Variants in EIF3K observed in about 807,000 individuals in gnomAD.
EIF3K encodes eIF-3 p28.
Under a neutral mutation model 34.2 loss-of-function variants are expected in EIF3K, and 27 were observed. That is an observed-to-expected ratio of 0.79 (90% CI 0.58 to 1.09). The LOEUF is 1.09. Ranked by LOEUF, EIF3K falls within the 50% of genes least tolerant of loss-of-function variation. The pLI, the probability that EIF3K is intolerant of heterozygous loss-of-function variation, is 0.00. For synonymous variants in EIF3K, 105 were observed against 105.7 expected, an observed-to-expected ratio of 0.99 and a Z score of 0.04; for missense variants, 232 against 275.4, an observed-to-expected ratio of 0.84 and a Z score of 1.11.
intron 2 of EIF3K, among the ~76,000 whole-genome samples, chr19:38,623,696 C>T (rs1975889914): frequency 1.3e-5 from 2 of 152,008 alleles, no homozygotes; most frequent in Middle Eastern, 3.4e-3. Flanking sequence ...CTTTCAGTGC[C>T]TCTTAATCTC....
intron 4 of EIF3K, among the ~76,000 whole-genome samples, chr19:38,626,868 A>G (rs943544580): frequency 2.0e-5 from 3 of 152,278 alleles, no homozygotes; most frequent in Admixed American, 6.5e-5. Context: ...GTACAGTGGC[A>G]CGATCTTGGC....
intron 4 of EIF3K, among the ~76,000 whole-genome samples, chr19:38,626,794 G>GT (rs988416000): frequency 2.0e-5 from 3 of 151,888 alleles, no homozygotes; most frequent in Non-Finnish European, 4.4e-5. Flanking sequence ...CTTTTTTGTT[G>GT]TTTTTTGTTT....
At position 38,635,037 on chromosome 19, in the gene EIF3K, G is replaced by A. The variant is rs138580388; in HGVS notation, c.544G>A (p.Asp182Asn). Residue 182 changes from aspartate (D) to asparagine (N), a missense_variant, in exon 7 of 8, where the codon GAC becomes AAC. Physicochemically the swap from Asp to Asn is conservative, Grantham distance 23. Coordinates refer to ENST00000248342, the MANE Select transcript of EIF3K (RefSeq NM_013234.4). ...GATGAGCAAATACGGCTGGAGTGCC[G>A]ACGAGTCGGGGCAGATCTTCATCTG... ...VWMSKYGWSA[D>N]ESGQIFICSQ... 471 of 1,614,158 alleles carry A rather than the reference G, an allele frequency of 2.9e-4. No homozygotes were observed. The African/African-American group carries it at 5.4e-3, about 18-fold the overall frequency.
At chr19:38,630,346 TA>T (rs202093933) in intron 4 of EIF3K, among the ~76,000 whole-genome samples, 5,326 of 143,998 alleles carry the variant, frequency 0.037, 163 homozygotes, top group Non-Finnish European at 0.057. Context: ...TTTATTTATT[TA>T]TTTTTTTTTT....
At chr19:38,628,344 C>T (rs1343412100) in intron 4 of EIF3K, among the ~76,000 whole-genome samples, 3 of 152,110 alleles carry the variant, frequency 2.0e-5, no homozygotes, top group Non-Finnish European at 2.9e-5. Context: ...ATGTTGGGAG[C>T]CACTGCCGTC....
intron 2 of EIF3K, among the ~76,000 whole-genome samples, chr19:38,623,817 C>T (rs751764718): frequency 2.0e-5 from 3 of 152,204 alleles, no homozygotes; most frequent in Non-Finnish European, 4.4e-5. Flanking sequence ...CAGACCACTG[C>T]TGCTGTTCTC....
intron 3 of EIF3K, 123 bp downstream of exon 3, chr19:38,624,320 G>A (rs1360106816): frequency 3.4e-5 from 49 of 1,447,962 alleles, no homozygotes; most frequent in South Asian, 1.7e-4. Flanking sequence ...CTGGTCCAGC[G>A]TGGCAAGGTG....
In EIF3K at chr19:38,626,208, G is replaced by T. The variant is rs1045787446; in HGVS notation, c.354+106G>T. On this transcript the variant is annotated intron_variant, in intron 4 of 7. Transcript: ENST00000248342. ...TGACTGGCTTCCTGCTTTGGCGGTG[G>T]GCCCAGTGCTCTGCATGTGTGTGTT... 6.7e-6 allele frequency: 7 copies of T among 1,038,176 alleles called. No homozygotes were observed. In the African/African-American group the frequency reaches 9.4e-5, roughly 14 times the overall value. The allele number at this position is 1,038,176 out of a possible 1,614,324, so 64.3% of individuals were successfully genotyped here.
intron 2 of EIF3K, among the ~76,000 whole-genome samples, chr19:38,622,761 G>A (rs1207927375): frequency 1.3e-5 from 2 of 152,338 alleles, no homozygotes; most frequent in East Asian, 1.9e-4. Context: ...GCCCCGGGGG[G>A]CCCGTTCAGA....
chr19:38,636,097 G>A (rs1364634226), intron 7 of EIF3K, among the ~76,000 whole-genome samples: 2 of 152,332 alleles, frequency 1.3e-5, no homozygotes, highest in African/African-American at 4.8e-5. Flanking sequence ...CTGTGTCGGG[G>A]TTCTCAGTGA....
intron 6 of EIF3K, among the ~76,000 whole-genome samples, chr19:38,633,051 AT>A (rs1361384453): frequency 3.3e-5 from 5 of 152,202 alleles, no homozygotes; most frequent in African/African-American, 1.2e-4. Context: ...GACCAGCGGC[AT>A]CTGAGCCCTT....
At chr19:38,621,842 T>TTG (rs1975846977) in intron 2 of EIF3K, among the ~76,000 whole-genome samples, 1 of 152,124 alleles carries the variant, frequency 6.6e-6, no homozygotes, top group Admixed American at 6.6e-5. Flanking sequence ...ACTGTGTCAC[T>TTG]TGTGTGGCTG....
chr19:38,628,946 C>G (rs1295394631), intron 4 of EIF3K, among the ~76,000 whole-genome samples: 1 of 152,152 alleles, frequency 6.6e-6, no homozygotes, highest in East Asian at 1.9e-4. Flanking sequence ...TTCTTCTCAC[C>G]TCAACTTATG....
chr19:38,632,838 GC>G (rs1448716767), intron 6 of EIF3K, 160 bp downstream of exon 6: 4 of 598,638 alleles, frequency 6.7e-6, no homozygotes, highest in Non-Finnish European at 1.1e-5. Flanking sequence ...GACAGTCTCT[GC>G]CTTGAGGGAG....
chr19:38,628,285 G>A (rs1975989423), intron 4 of EIF3K, among the ~76,000 whole-genome samples: 1 of 152,092 alleles, frequency 6.6e-6, no homozygotes, highest in African/African-American at 2.4e-5. Context: ...GTGTAGCCTA[G>A]GCCTTGGGAT....
At chr19:38,635,543 T>C in intron 7 of EIF3K, 1 of 246,036 alleles carries the variant, frequency 4.1e-6, no homozygotes, top group Non-Finnish European at 7.9e-6. Flanking sequence ...GCCTCAGTTT[T>C]CTCATCTAAA....
chr19:38,636,889 G>C lies in EIF3K; in HGVS notation c.626G>C (p.Ser209Thr). 6.2e-7 allele frequency: 1 copy of C among 1,614,104 alleles called. No homozygotes were observed. The highest frequency in any genetic ancestry group is 8.5e-7 in the Non-Finnish European group (1 of 1,180,018). Residue 209 changes from serine to threonine, a missense_variant and splice_region_variant, in exon 8 of 8, where the codon AGT becomes ACT. Transcript: ENST00000248342. Reference protein sequence around the residue: ...KNIVEKIDFDSVSSIMASSQ With the variant: ...KNIVEKIDFDTVSSIMASSQ ...CAGTCTGGTCTCTCCTTCCCCACAG[G>C]TGTGTCCAGCATCATGGCCTCCTCC...
intron 6 of EIF3K, among the ~76,000 whole-genome samples, chr19:38,634,108 T>C (rs1862804119): frequency 7.2e-6 from 1 of 138,602 alleles, no homozygotes; most frequent in Admixed American, 7.1e-5. Context: ...TTTTTTTTTT[T>C]TTTTTTTTTG....
At chr19:38,627,772 C>T (rs927275921) in intron 4 of EIF3K, among the ~76,000 whole-genome samples, 2 of 152,090 alleles carry the variant, frequency 1.3e-5, no homozygotes, top group Non-Finnish European at 2.9e-5. Context: ...GATCCTTTGA[C>T]CACCCAGACC....
Sources: gnomAD v4.1 joint callset for allele counts (sites outside exome capture counted in the v4.1 genomes callset) on GRCh38, gnomAD v4.1.1 for gene constraint, MANE v1.5 for transcripts, NCBI Gene and HGNC (gene_info 2026-07-23, HGNC 2026-07-21) for gene names.